PAPPA: variants seen among roughly 807,000 people sequenced by gnomAD.
The protein encoded by PAPPA is pappalysin-1.
A neutral mutation model predicts 164.0 loss-of-function variants in PAPPA; 60 were observed. The ratio of observed to expected loss-of-function variants is 0.37; its 90% CI spans 0.30 to 0.45. PAPPA has a LOEUF of 0.45. Among genes scored for constraint, PAPPA ranks in the 20% least tolerant of loss-of-function variants. The pLI is 1.00. For synonymous variants in PAPPA, 875 were observed against 814.1 expected (o/e 1.07, Z -1.27); for missense variants, 1,782 against 2,087.3 (o/e 0.85, Z 2.85).
At chr9:116,288,782 T>C (rs1845377018) in intron 9 of PAPPA, 1 of 152,042 alleles carries the variant, frequency 6.6e-6, no homozygotes, top group Non-Finnish European at 1.5e-5. Flanking sequence ...CTCATCTTTT[T>C]AGACTTATCG....
intron 3 of PAPPA, among the ~76,000 whole-genome samples, chr9:116,207,999 A>G (rs1336706208): frequency 6.6e-6 from 1 of 152,206 alleles, no homozygotes; most frequent in African/African-American, 2.4e-5. Context: ...TGGTAACCAC[A>G]CTGTACTGGC....
chr9:116,299,146 G>T (rs1845547567), intron 9 of PAPPA, among the ~76,000 whole-genome samples: 1 of 152,122 alleles, frequency 6.6e-6, no homozygotes, highest in African/African-American at 2.4e-5. Context: ...AAACTGAATA[G>T]CTGTGTCCAA....
At chr9:116,377,006 G>C (rs943662819) in intron 19 of PAPPA, among the ~76,000 whole-genome samples, 2 of 152,130 alleles carry the variant, frequency 1.3e-5, no homozygotes, top group Non-Finnish European at 2.9e-5. Flanking sequence ...TCAGGGCCTG[G>C]TCTCAGAGAG....
At chr9:116,289,132 ATAT>A (rs1845384000) in intron 9 of PAPPA, among the ~76,000 whole-genome samples, 1 of 20,394 alleles carries the variant, frequency 4.9e-5, no homozygotes, top group Non-Finnish European at 9.6e-5. Context: ...ATATATATAT[ATAT>A]ATATATATAT....
intron 9 of PAPPA, among the ~76,000 whole-genome samples, chr9:116,297,516 T>TG (rs145820674): frequency 1.2e-3 from 184 of 152,366 alleles, no homozygotes; most frequent in African/African-American, 4.2e-3. Context: ...CTTATTCACC[T>TG]GAGTGATTCT....
In PAPPA at chr9:116,187,965, C is replaced by T. The variant is rs369078654; in HGVS notation, c.1227C>T (p.Leu409=). The part of the protein sequence containing the change: ...EVSNSSLRRR[L]ILANCDISKI... Reference sequence around the variant, plus strand: ...GCAACTCCTCCCTTCGCCGCCGCCTCATCCTGGCCAACTGTGACATCAGCA... The same window carrying T: ...GCAACTCCTCCCTTCGCCGCCGCCTTATCCTGGCCAACTGTGACATCAGCA... Residue 409 remains leucine, a synonymous_variant, in exon 2 of 22, where the codon CTC becomes CTT. Coordinates refer to ENST00000328252, the MANE Select transcript of PAPPA (RefSeq NM_002581.5). The surrounding 1 kb of genome is among the most constrained non-coding windows in gnomAD (Gnocchi z 4.2). The T allele has an allele frequency of 1.9e-6, 3 of 1,614,102 alleles. No homozygotes were observed. The African/African-American group carries it at 4.0e-5, about 22-fold the overall frequency.
At chr9:116,292,863 G>C (rs1845453797) in intron 9 of PAPPA, among the ~76,000 whole-genome samples, 1 of 152,188 alleles carries the variant, frequency 6.6e-6, no homozygotes, top group Admixed American at 6.5e-5. Flanking sequence ...ATTCCATGTA[G>C]AGTTAGGGAA....
At chr9:116,280,456 G>A (rs74362694) in intron 9 of PAPPA, among the ~76,000 whole-genome samples, 1 of 152,180 alleles carries the variant, frequency 6.6e-6, no homozygotes. Context: ...AGGATTGCAA[G>A]AAGTTAAGAC....
At chr9:116,362,037 G>T (rs1163992354) in intron 17 of PAPPA, among the ~76,000 whole-genome samples, 1 of 152,030 alleles carries the variant, frequency 6.6e-6, no homozygotes, top group East Asian at 1.9e-4. Flanking sequence ...AAATGGAATA[G>T]AATGGAATGG....
intron 2 of PAPPA, among the ~76,000 whole-genome samples, chr9:116,205,357 C>G (rs1249103947): frequency 6.6e-6 from 1 of 152,300 alleles, no homozygotes; most frequent in South Asian, 2.1e-4. Flanking sequence ...TCTCTTGAAG[C>G]TTTCTCATCT....
intron 21 of PAPPA, among the ~76,000 whole-genome samples, chr9:116,383,495 A>C (rs1846760722): frequency 6.6e-6 from 1 of 151,686 alleles, no homozygotes; most frequent in South Asian, 2.1e-4. Flanking sequence ...TGAGGCCCAT[A>C]AAAGAGGAAT....
intron 13 of PAPPA, among the ~76,000 whole-genome samples, chr9:116,339,985 G>A (rs137903140): frequency 2.5e-4 from 38 of 152,220 alleles, no homozygotes; most frequent in Middle Eastern, 3.4e-3. Context: ...AAAGAAAAAC[G>A]TTATTTAAGT....
intron 1 of PAPPA, among the ~76,000 whole-genome samples, chr9:116,162,196 TG>T (rs1398986311): frequency 6.6e-6 from 1 of 152,112 alleles, no homozygotes; most frequent in African/African-American, 2.4e-5. Context: ...AGCTTTTGAG[TG>T]AGAAAATTAT....
At chr9:116,161,163 G>C (rs10217305) in intron 1 of PAPPA, among the ~76,000 whole-genome samples, 89,695 of 152,012 alleles carry the variant, frequency 0.59, 27,152 homozygotes, top group Non-Finnish European at 0.64. Flanking sequence ...CTTTTATTAT[G>C]ATCATTCACA....
rs1846979210 is a variant in PAPPA, at chr9:116,397,390, G to A, written c.*774G>A. 1 of 152,662 alleles carries A rather than the reference G, an allele frequency of 6.6e-6. No individual in the cohort carries two copies. Among genetic ancestry groups the A allele is most frequent in the African/African-American group, 2.4e-5 (1 of 41,432 alleles). 9.5% of individuals were successfully genotyped at this position (152,662 alleles called of 1,614,324 possible). On this transcript the variant is annotated 3_prime_UTR_variant, in exon 22 of 22. Transcript: ENST00000328252. ...TATCAGCCCCTTGCTTGAGGCTTGA[G>A]GTCATAATATCCCTCTAGGACTTAC... is the stretch of plus-strand genomic sequence containing the variant.
intron 21 of PAPPA, among the ~76,000 whole-genome samples, chr9:116,388,904 G>A (rs1390639614): frequency 6.6e-6 from 1 of 152,144 alleles, no homozygotes; most frequent in Non-Finnish European, 1.5e-5. Context: ...ATGAGAACAT[G>A]GTTTCTTAAG....
chr9:116,160,948 C>G (rs1843658454), intron 1 of PAPPA, among the ~76,000 whole-genome samples: 1 of 152,158 alleles, frequency 6.6e-6, no homozygotes, highest in Non-Finnish European at 1.5e-5. Flanking sequence ...CTGACTTAAC[C>G]ACTGGGGCCT....
chr9:116,167,286 G>A (rs1305981882), intron 1 of PAPPA, among the ~76,000 whole-genome samples: 1 of 152,114 alleles, frequency 6.6e-6, no homozygotes, highest in Admixed American at 6.5e-5. Flanking sequence ...CATATACTTT[G>A]AATCATTTCT....
At chr9:116,346,153 C>T (rs567663941) in intron 14 of PAPPA, among the ~76,000 whole-genome samples, 1 of 152,200 alleles carries the variant, frequency 6.6e-6, no homozygotes, top group Non-Finnish European at 1.5e-5. Context: ...TTTTAAAATC[C>T]CAGATCAACG....
Sources: gnomAD v4.1 joint callset for allele counts (sites outside exome capture counted in the v4.1 genomes callset) on GRCh38, gnomAD v4.1.1 for gene constraint, Gnocchi (gnomAD v3.1) non-coding constraint, MANE v1.5 for transcripts, NCBI Gene and HGNC (gene_info 2026-07-23, HGNC 2026-07-21) for gene names.